HSD17B12: variants seen among roughly 807,000 people sequenced by gnomAD.
HSD17B12 encodes very-long-chain 3-oxoacyl-CoA reductase.
HSD17B12 carries 32 observed loss-of-function variants against 39.3 expected under a neutral mutation model. That is an observed-to-expected ratio of 0.81 (90% confidence interval 0.61 to 1.09). HSD17B12 has a LOEUF of 1.09. HSD17B12 is among the 50% of genes least tolerant of loss of function. HSD17B12 has a pLI of 0.00. For missense variants in HSD17B12, 342 were observed against 382.9 expected, an observed-to-expected ratio of 0.89 and a Z score of 0.89; for synonymous variants, 150 against 146.7, an observed-to-expected ratio of 1.02 and a Z score of -0.16.
At chr11:43,742,273 G>A (rs1045252855) in intron 1 of HSD17B12, among the ~76,000 whole-genome samples, 6 of 151,476 alleles carry the variant, frequency 4.0e-5, no homozygotes, top group Non-Finnish European at 7.4e-5. Context: ...GAGTAGGTGG[G>A]ACTATAGGTG....
At chr11:43,767,754 ATTT>A (rs1469947424) in intron 3 of HSD17B12, among the ~76,000 whole-genome samples, 2 of 152,234 alleles carry the variant, frequency 1.3e-5, no homozygotes, top group Non-Finnish European at 2.9e-5. Flanking sequence ...TAGAATTAAT[ATTT>A]AACAACACCA....
intron 9 of HSD17B12, among the ~76,000 whole-genome samples, chr11:43,850,635 G>C (rs1019005421): frequency 2.6e-5 from 4 of 152,212 alleles, no homozygotes; most frequent in Non-Finnish European, 4.4e-5. Flanking sequence ...TTGAATATCT[G>C]CCATGCAGTT....
intron 3 of HSD17B12, among the ~76,000 whole-genome samples, chr11:43,758,855 T>C (rs1950533721): frequency 6.6e-6 from 1 of 152,180 alleles, no homozygotes; most frequent in Non-Finnish European, 1.5e-5. Context: ...ATACCACTTA[T>C]TGCATAATGG....
chr11:43,647,658 G>A, the HSD17B12 span, among the ~76,000 whole-genome samples: 3 of 152,036 alleles, frequency 2.0e-5, no homozygotes, highest in Admixed American at 6.5e-5. Flanking sequence ...CACCCATTCC[G>A]AATTTGATCT....
chr11:43,722,141 G>A (rs1950181761), intron 1 of HSD17B12, among the ~76,000 whole-genome samples: 1 of 152,198 alleles, frequency 6.6e-6, no homozygotes, highest in Admixed American at 6.5e-5. Context: ...TGGTCCCATG[G>A]GGAGTTCTGA....
At chr11:43,564,962 CTG>C in the HSD17B12 span, among the ~76,000 whole-genome samples, 1 of 150,150 alleles carries the variant, frequency 6.7e-6, no homozygotes, top group Non-Finnish European at 1.5e-5. Context: ...TACAGTGGCA[CTG>C]TGTCGGCTGG....
intron 1 of HSD17B12, among the ~76,000 whole-genome samples, chr11:43,733,528 G>A (rs1339920490): frequency 2.6e-5 from 4 of 152,168 alleles, no homozygotes; most frequent in East Asian, 1.9e-4. Context: ...GGAGCAGTCC[G>A]AACTTAGGAT....
chr11:43,719,631 T>A (rs901992497), intron 1 of HSD17B12, among the ~76,000 whole-genome samples: 25 of 146,954 alleles, frequency 1.7e-4, no homozygotes, highest in Non-Finnish European at 2.5e-4. Context: ...AAAAAAAATA[T>A]ATATATATAT....
the HSD17B12 span, among the ~76,000 whole-genome samples, chr11:43,582,792 G>A: frequency 6.6e-6 from 1 of 152,190 alleles, no homozygotes; most frequent in Non-Finnish European, 1.5e-5. Context: ...AAGACTGTGA[G>A]AAGGCACGGA....
the HSD17B12 span, among the ~76,000 whole-genome samples, chr11:43,658,690 G>A: frequency 8.5e-5 from 13 of 152,138 alleles, no homozygotes; most frequent in Non-Finnish European, 1.2e-4. Context: ...TGTCAGCAGC[G>A]GTGGCTGCAG....
At chr11:43,846,381 G>C (rs1297257264) in intron 9 of HSD17B12, among the ~76,000 whole-genome samples, 1 of 152,196 alleles carries the variant, frequency 6.6e-6, no homozygotes, top group African/African-American at 2.4e-5. Flanking sequence ...CAGGAGCCCT[G>C]TGCTGGGCAC....
the HSD17B12 span, among the ~76,000 whole-genome samples, chr11:43,625,805 A>G: frequency 6.6e-6 from 1 of 151,380 alleles, no homozygotes; most frequent in Non-Finnish European, 1.5e-5. Flanking sequence ...TCTAATAGTT[A>G]ACATATGATA....
the HSD17B12 span, among the ~76,000 whole-genome samples, chr11:43,590,350 A>T: frequency 6.7e-6 from 1 of 149,976 alleles, no homozygotes; most frequent in East Asian, 2.0e-4. Flanking sequence ...GCACCTTAAA[A>T]TTTTAATACC....
chr11:43,583,326 C>T, the HSD17B12 span, among the ~76,000 whole-genome samples: 2 of 152,204 alleles, frequency 1.3e-5, no homozygotes, highest in African/African-American at 4.8e-5. Flanking sequence ...CGTGCGGCAC[C>T]GGAGCGAGTC....
chr11:43,684,840 A>AT (rs1429220165), intron 1 of HSD17B12, among the ~76,000 whole-genome samples: 1 of 152,176 alleles, frequency 6.6e-6, no homozygotes, highest in East Asian at 1.9e-4. Context: ...TGCTGTACCC[A>AT]TTAGGCCCTT....
At chr11:43,694,536 A>C (rs1949892113) in intron 1 of HSD17B12, among the ~76,000 whole-genome samples, 1 of 152,026 alleles carries the variant, frequency 6.6e-6, no homozygotes, top group Admixed American at 6.6e-5. Flanking sequence ...AAAAGAAAAA[A>C]AATGAGCCAG....
At chr11:43,682,069 G>T (rs899320742) in intron 1 of HSD17B12, among the ~76,000 whole-genome samples, 2 of 152,090 alleles carry the variant, frequency 1.3e-5, no homozygotes, top group East Asian at 3.8e-4. Flanking sequence ...CACTAATAAT[G>T]TTACTCCATG....
upstream of HSD17B12, among the ~76,000 whole-genome samples, chr11:43,680,101 A>C (rs1463721097): frequency 6.6e-6 from 1 of 150,720 alleles, no homozygotes; most frequent in Non-Finnish European, 1.5e-5. Flanking sequence ...TTTGGGATGG[A>C]GTCTCACTCC....
At chr11:43,592,193 G>A in the HSD17B12 span, among the ~76,000 whole-genome samples, 3 of 151,732 alleles carry the variant, frequency 2.0e-5, no homozygotes, top group African/African-American at 7.3e-5. Context: ...CATCAAAACA[G>A]GTTGTTTTAT....
Sources: allele counts gnomAD v4.1 joint callset (sites outside exome capture counted in the v4.1 genomes callset), GRCh38; gene constraint gnomAD v4.1.1; transcripts MANE v1.5; gene names NCBI Gene and HGNC (gene_info 2026-07-23, HGNC 2026-07-21).